The following TBC1D22A variants were observed in gnomAD, a reference collection of about 807,000 sequenced individuals.
TBC1D22A encodes TBC1 domain family member 22A, also known as putative GTPase activator.
A neutral mutation model predicts 60.2 loss-of-function variants in TBC1D22A; 38 were observed. The ratio of observed to expected loss-of-function variants is 0.63; its 90% CI spans 0.49 to 0.83. TBC1D22A has a LOEUF of 0.83. TBC1D22A is among the 40% of genes least tolerant of loss of function. The pLI is 0.00. For missense variants in TBC1D22A, 628 were observed against 701.0 expected (o/e 0.90, Z 1.18); for synonymous variants, 302 against 281.7 (o/e 1.07, Z -0.72).
intron 8 of TBC1D22A, among the ~76,000 whole-genome samples, chr22:46,956,336 A>C (rs938406143): frequency 3.3e-5 from 5 of 152,332 alleles, no homozygotes; most frequent in African/African-American, 1.2e-4. Context: ...CTGTAATCCC[A>C]GCTCTTTGGG....
chr22:47,075,269 G>A (rs757431373), intron 11 of TBC1D22A, among the ~76,000 whole-genome samples: 19 of 151,244 alleles, frequency 1.3e-4, no homozygotes, highest in Non-Finnish European at 2.7e-4. Flanking sequence ...GAGTTTGTGG[G>A]GACATAGATC....
chr22:47,080,275 C>T (rs1280529605), intron 11 of TBC1D22A, among the ~76,000 whole-genome samples: 1 of 152,190 alleles, frequency 6.6e-6, no homozygotes, highest in African/African-American at 2.4e-5. Context: ...CTTGCTTGAT[C>T]TCATTGACAT....
At chr22:46,866,091 T>A in intron 4 of TBC1D22A, among the ~76,000 whole-genome samples, 1 of 152,068 alleles carries the variant, frequency 6.6e-6, no homozygotes, top group East Asian at 1.9e-4. Flanking sequence ...AAAATAAAGA[T>A]CTTTTAAAAA....
chr22:46,793,224 G>A (rs2084499289), intron 2 of TBC1D22A, among the ~76,000 whole-genome samples: 1 of 152,250 alleles, frequency 6.6e-6, no homozygotes, highest in Admixed American at 6.5e-5. Flanking sequence ...TGGCCAGAGT[G>A]AGCTGGGGTG....
intron 4 of TBC1D22A, among the ~76,000 whole-genome samples, chr22:46,832,539 A>C (rs1265994417): frequency 6.6e-6 from 1 of 152,096 alleles, no homozygotes; most frequent in African/African-American, 2.4e-5. Flanking sequence ...CCAGCTACTC[A>C]GGAGGCTGAG....
chr22:47,065,580 G>A (rs2063722626), intron 11 of TBC1D22A, among the ~76,000 whole-genome samples: 1 of 152,278 alleles, frequency 6.6e-6, no homozygotes, highest in South Asian at 2.1e-4. Flanking sequence ...AAGTATTAGT[G>A]AAGATTTCAT....
chr22:46,831,659 G>A lies in TBC1D22A; in HGVS notation c.637+34039G>A, dbSNP rs978091532. 2.6e-5 allele frequency among the ~76,000 whole-genome samples: 4 copies of A among 152,292 alleles called. No homozygotes were observed. The South Asian group carries it at 8.3e-4, about 32-fold the overall frequency. On this transcript the variant is annotated intron_variant, in intron 4 of 12. Coordinates refer to ENST00000337137, the MANE Select transcript of TBC1D22A (RefSeq NM_014346.5). ...AGGAACAGAGCAGCACTGTGTTTGT[G>A]ATCTTTGATTTATAGCTGCCTGTGC... is the stretch of plus-strand genomic sequence containing the variant.
intron 10 of TBC1D22A, among the ~76,000 whole-genome samples, chr22:47,004,827 G>A (rs755266568): frequency 1.4e-4 from 21 of 149,018 alleles, no homozygotes; most frequent in Non-Finnish European, 2.7e-4. Context: ...CACCTGCCAT[G>A]TATAGATACA....
intron 11 of TBC1D22A, among the ~76,000 whole-genome samples, chr22:47,055,872 T>A (rs28371881): frequency 1.1e-5 from 1 of 89,314 alleles, no homozygotes; most frequent in Non-Finnish European, 2.3e-5. Flanking sequence ...CACGGAGGGT[T>A]GATGAGATAC....
chr22:46,830,187 G>T (rs2086250866), intron 4 of TBC1D22A, among the ~76,000 whole-genome samples: 1 of 152,234 alleles, frequency 6.6e-6, no homozygotes, highest in Non-Finnish European at 1.5e-5. Flanking sequence ...AATGCATGGG[G>T]ACGCTGAGGC....
At chr22:46,868,347 A>T (rs190004110) in intron 4 of TBC1D22A, among the ~76,000 whole-genome samples, 17 of 152,360 alleles carry the variant, frequency 1.1e-4, no homozygotes, top group Non-Finnish European at 2.4e-4. Context: ...TATTTTAAAA[A>T]GGTATGAAAT....
chr22:47,171,963 C>A (rs2068478780), intron 12 of TBC1D22A, among the ~76,000 whole-genome samples: 1 of 151,942 alleles, frequency 6.6e-6, no homozygotes, highest in Non-Finnish European at 1.5e-5. Flanking sequence ...ACCCAGCACT[C>A]CCAGTAAGCC....
At chr22:47,102,652 G>C (rs2065463919) in intron 11 of TBC1D22A, among the ~76,000 whole-genome samples, 1 of 152,176 alleles carries the variant, frequency 6.6e-6, no homozygotes, top group African/African-American at 2.4e-5. Context: ...TTTTCCCCCA[G>C]TGCTGTGTTT....
intron 8 of TBC1D22A, among the ~76,000 whole-genome samples, chr22:46,970,443 G>T (rs763830137): frequency 9.9e-5 from 15 of 151,812 alleles, no homozygotes; most frequent in East Asian, 3.9e-4. Flanking sequence ...TCTTTTTTTC[G>T]ATTGGTGTCA....
At chr22:46,961,043 C>G (rs934037408) in intron 8 of TBC1D22A, among the ~76,000 whole-genome samples, 4 of 151,016 alleles carry the variant, frequency 2.6e-5, no homozygotes, top group Admixed American at 6.6e-5. Context: ...AAAACCCGTG[C>G]CCAGGACTCC....
chr22:46,980,017 G>T lies in TBC1D22A; in HGVS notation c.1125+5618G>T, dbSNP rs193183899. On this transcript the variant is annotated intron_variant, in intron 9 of 12. Coordinates refer to ENST00000337137, the MANE Select transcript of TBC1D22A (RefSeq NM_014346.5). ...TACAAACCAAGCAGAGAAGGAGTGC[G>T]CCGGGAATAAATGTTAGCGATTGCT... Among the ~76,000 whole-genome samples the T allele has an allele frequency of 9.2e-5, 14 of 152,064 alleles. No individual in the cohort carries two copies. The East Asian group carries it at 2.7e-3, about 29-fold the overall frequency.
intron 9 of TBC1D22A, among the ~76,000 whole-genome samples, chr22:46,979,327 A>G (rs1432819896): frequency 6.6e-6 from 1 of 152,236 alleles, no homozygotes; most frequent in Non-Finnish European, 1.5e-5. Flanking sequence ...CAACAAACAC[A>G]GTTCCTTGTT....
chr22:47,024,186 A>C (rs1400105389), intron 10 of TBC1D22A, among the ~76,000 whole-genome samples: 1 of 152,206 alleles, frequency 6.6e-6, no homozygotes, highest in Non-Finnish European at 1.5e-5. Flanking sequence ...CATCACCCTT[A>C]CAGTCACCGC....
At chr22:46,976,467 C>A (rs2074299274) in intron 9 of TBC1D22A, among the ~76,000 whole-genome samples, 1 of 152,208 alleles carries the variant, frequency 6.6e-6, no homozygotes, top group Admixed American at 6.5e-5. Context: ...GCCGTCCGAG[C>A]AGAGCTCCTC....
Sources: gnomAD v4.1 joint callset for allele counts (sites outside exome capture counted in the v4.1 genomes callset) on GRCh38, gnomAD v4.1.1 for gene constraint, MANE v1.5 for transcripts, NCBI Gene and HGNC (gene_info 2026-07-23, HGNC 2026-07-21) for gene names.